Variants in SCFD2 observed in about 807,000 individuals in gnomAD.
SCFD2 encodes the protein sec1 family domain containing 2.
A neutral mutation model predicts 58.9 loss-of-function variants in SCFD2; 54 were observed. That is an observed-to-expected ratio of 0.92 (90% CI 0.74 to 1.15). SCFD2 has a LOEUF of 1.15. Among genes scored for constraint, SCFD2 ranks in the 50% most tolerant of loss-of-function variants. The pLI, the probability that SCFD2 is intolerant of heterozygous loss-of-function variation, is 0.00. For missense variants in SCFD2, 805 were observed against 836.6 expected (o/e 0.96, Z 0.47); for synonymous variants, 321 against 335.9 (o/e 0.96, Z 0.49).
chr4:53,213,162 T>A (rs1338083152), intron 4 of SCFD2, among the ~76,000 whole-genome samples: 1 of 152,088 alleles, frequency 6.6e-6, no homozygotes, highest in African/African-American at 2.4e-5. Context: ...TTTTGCAAAG[T>A]TTAATGTCTA....
chr4:53,265,176 A>G (rs930699315), intron 4 of SCFD2, among the ~76,000 whole-genome samples: 2 of 152,158 alleles, frequency 1.3e-5, no homozygotes, highest in African/African-American at 4.8e-5. Flanking sequence ...ATTACTCTTC[A>G]GTGATTTTAT....
chr4:53,240,055 T>A (rs1044932920), intron 4 of SCFD2, among the ~76,000 whole-genome samples: 1 of 152,156 alleles, frequency 6.6e-6, no homozygotes, highest in African/African-American at 2.4e-5. Flanking sequence ...TTATGAAAGG[T>A]GCTACAATGG....
intron 4 of SCFD2, among the ~76,000 whole-genome samples, chr4:53,177,684 G>A (rs62325039): frequency 0.057 from 8,610 of 152,208 alleles, 308 homozygotes; most frequent in Middle Eastern, 0.12. Flanking sequence ...TGGGTGCAGC[G>A]CACCGTGTGC....
intron 5 of SCFD2, among the ~76,000 whole-genome samples, chr4:53,016,690 A>G (rs1377198820): frequency 5.3e-5 from 8 of 152,194 alleles, no homozygotes; most frequent in Non-Finnish European, 1.2e-4. Flanking sequence ...GAAAATTTAT[A>G]CTTCTCACTG....
intron 3 of SCFD2, among the ~76,000 whole-genome samples, chr4:53,299,286 T>A (rs533028683): frequency 2.0e-5 from 3 of 152,300 alleles, no homozygotes; most frequent in African/African-American, 4.8e-5. Context: ...GCACGAGAAC[T>A]ACGTGATGAA....
intron 5 of SCFD2, among the ~76,000 whole-genome samples, chr4:52,993,818 T>C (rs761294416): frequency 6.6e-6 from 1 of 152,224 alleles, no homozygotes; most frequent in African/African-American, 2.4e-5. Context: ...ATTTATAGAC[T>C]GTTCTGTACT....
Position 52,896,951 on chromosome 4 carries a change from GCTCT to G in SCFD2, c.1842+10502_1842+10505del, listed in dbSNP as rs1482149395. On this transcript the variant is annotated intron_variant, in intron 7 of 8. Transcript: ENST00000401642. ...TGAATGGGAGTTCACTCATGATTTG[GCTCT>G]CTGTCTGTTATTGGTGTATAAGAAT... Among the ~76,000 whole-genome samples the G allele has an allele frequency of 3.3e-5, 5 of 152,046 alleles. No homozygotes were observed. The East Asian group carries it at 9.7e-4, about 29-fold the overall frequency.
At chr4:53,007,956 C>T (rs1722014538) in intron 5 of SCFD2, among the ~76,000 whole-genome samples, 1 of 152,108 alleles carries the variant, frequency 6.6e-6, no homozygotes, top group South Asian at 2.1e-4. Context: ...GAGCTGGGCT[C>T]TAATGAATGA....
chr4:53,248,670 C>T (rs145729723), intron 4 of SCFD2, among the ~76,000 whole-genome samples: 6 of 152,190 alleles, frequency 3.9e-5, no homozygotes, highest in African/African-American at 1.4e-4. Flanking sequence ...CAGACTGACA[C>T]CTCACACAGC....
chr4:53,126,027 G>C (rs1725616867), intron 5 of SCFD2, among the ~76,000 whole-genome samples: 1 of 152,168 alleles, frequency 6.6e-6, no homozygotes, highest in African/African-American at 2.4e-5. Flanking sequence ...AAGGGAAGCG[G>C]ACCATGCTGA....
chr4:53,204,954 G>A (rs1369134317), intron 4 of SCFD2, among the ~76,000 whole-genome samples: 1 of 151,828 alleles, frequency 6.6e-6, no homozygotes, highest in Non-Finnish European at 1.5e-5. Context: ...GGTATATTCA[G>A]CCATATTACT....
In SCFD2 at chr4:52,995,527, T is replaced by G. The variant is rs868280386; in HGVS notation, c.1562-74657A>C. On this transcript the variant is annotated intron_variant, in intron 5 of 8. Coordinates refer to ENST00000401642, the MANE Select transcript of SCFD2 (RefSeq NM_152540.4). ...CAGTTTCTTAAGAGCAAGAACTGAG[T>G]CACTTCCGTTTGACCAGCATGTAGC... Among the ~76,000 whole-genome samples, 5 of 152,342 alleles carry G rather than the reference T, an allele frequency of 3.3e-5. No individual in the cohort carries two copies. The South Asian group carries it at 8.3e-4, about 25-fold the overall frequency.
intron 5 of SCFD2, among the ~76,000 whole-genome samples, chr4:53,063,079 T>G (rs1010577883): frequency 1.3e-5 from 2 of 152,178 alleles, no homozygotes; most frequent in African/African-American, 4.8e-5. Context: ...GGTTTATATT[T>G]AAAATACCTA....
At chr4:53,328,034 CT>C (rs1482824399) in intron 2 of SCFD2, among the ~76,000 whole-genome samples, 17 of 152,018 alleles carry the variant, frequency 1.1e-4, no homozygotes, top group African/African-American at 3.4e-4. Flanking sequence ...ACTCGGGAGG[CT>C]GAGGCAGGAG....
chr4:53,161,022 T>A (rs1372009170), intron 4 of SCFD2, among the ~76,000 whole-genome samples: 2 of 152,084 alleles, frequency 1.3e-5, no homozygotes, highest in Non-Finnish European at 2.9e-5. Context: ...AAAATGATAA[T>A]ACAGATGAAA....
chr4:53,040,259 C>G (rs568904483), intron 5 of SCFD2, among the ~76,000 whole-genome samples: 9 of 152,148 alleles, frequency 5.9e-5, no homozygotes, highest in Non-Finnish European at 1.3e-4. Context: ...GACCATGTAA[C>G]TACCGCAGCA....
intron 4 of SCFD2, among the ~76,000 whole-genome samples, chr4:53,148,284 C>A (rs1212177802): frequency 6.6e-6 from 1 of 152,190 alleles, no homozygotes; most frequent in African/African-American, 2.4e-5. Flanking sequence ...ATTTTCAAGT[C>A]ATTGGTCTAA....
chr4:53,242,783 T>G (rs1381715864), intron 4 of SCFD2, among the ~76,000 whole-genome samples: 1 of 152,172 alleles, frequency 6.6e-6, no homozygotes, highest in Non-Finnish European at 1.5e-5. Context: ...TAAAGAAGAA[T>G]GTAGTCAATC....
chr4:53,023,284 A>T (rs1577666434), intron 5 of SCFD2, among the ~76,000 whole-genome samples: 1 of 152,180 alleles, frequency 6.6e-6, no homozygotes, highest in Non-Finnish European at 1.5e-5. Flanking sequence ...GACATCTGCA[A>T]TGGGTTGTGA....
Sources: gnomAD v4.1 joint callset for allele counts (sites outside exome capture counted in the v4.1 genomes callset) on GRCh38, gnomAD v4.1.1 for gene constraint, MANE v1.5 for transcripts, NCBI Gene and HGNC (gene_info 2026-07-23, HGNC 2026-07-21) for gene names.